STAU2: variants seen among roughly 807,000 people sequenced by gnomAD.
The protein encoded by STAU2 is staufen double-stranded RNA binding protein 2, also known as double-stranded RNA-binding protein Staufen homolog 2.
STAU2 carries 20 observed loss-of-function variants against 65.9 expected under a neutral mutation model. That is an observed-to-expected ratio of 0.30 (90% CI 0.21 to 0.44). The LOEUF (loss-of-function observed/expected upper bound fraction) is 0.44, where lower values mean the gene tolerates loss of function less well. Ranked by LOEUF, STAU2 falls within the 20% of genes least tolerant of loss-of-function variation. The probability of loss-of-function intolerance (pLI) is 1.00; values close to 1 mark genes in which losing one functional copy is unlikely to be tolerated. For synonymous variants in STAU2, 232 were observed against 233.9 expected (o/e 0.99, Z 0.07); for missense variants, 558 against 683.9 (o/e 0.82, Z 2.05).
chr8:73,658,936 A>AC (rs1301053970), intron 6 of STAU2, among the ~76,000 whole-genome samples: 7 of 47,852 alleles, frequency 1.5e-4, no homozygotes, highest in African/African-American at 3.7e-4. Flanking sequence ...AACAACAACA[A>AC]AAACAACAAA....
In STAU2 at chr8:73,673,106, C is replaced by T; in HGVS notation, c.410+1G>A. ...AACAAAACCAAAAAAGACATACAAACCTCTGATTGTACATGCCCCGAAAGT... is the reference window on the plus strand; with the variant it reads ...AACAAAACCAAAAAAGACATACAAATCTCTGATTGTACATGCCCCGAAAGT... On this transcript the variant is annotated splice_donor_variant, in intron 6 of 14. Coordinates refer to ENST00000524300, the MANE Select transcript of STAU2 (RefSeq NM_001164380.2). LOFTEE classifies it high-confidence loss of function. The T allele has an allele frequency of 6.4e-7, 1 of 1,564,126 alleles. No individual in the cohort carries two copies. Among genetic ancestry groups the T allele is most frequent in the East Asian group, 2.3e-5 (1 of 44,132 alleles).
intron 13 of STAU2, chr8:73,551,256 G>C (rs1807315200): frequency 1.4e-5 from 14 of 987,188 alleles, no homozygotes; most frequent in Non-Finnish European, 1.7e-5. Context: ...TTTCCCAGAA[G>C]GAAACAAAGA....
At chr8:73,535,247 G>A (rs1382072824) in intron 13 of STAU2, among the ~76,000 whole-genome samples, 2 of 152,048 alleles carry the variant, frequency 1.3e-5, no homozygotes, top group Non-Finnish European at 2.9e-5. Flanking sequence ...TTGGCTCACT[G>A]CAAGCTCCAC....
chr8:73,520,312 G>C (rs955032536), intron 13 of STAU2, among the ~76,000 whole-genome samples: 2 of 152,158 alleles, frequency 1.3e-5, no homozygotes, highest in African/African-American at 4.8e-5. Context: ...ATACATACCA[G>C]ATTTCAAGTA....
intron 3 of STAU2, among the ~76,000 whole-genome samples, chr8:73,718,902 T>C (rs962034701): frequency 1.3e-5 from 2 of 152,240 alleles, no homozygotes; most frequent in Non-Finnish European, 2.9e-5. Context: ...AACTCTGCTA[T>C]AGTAATTTAT....
chr8:73,663,630 C>CAA (rs57173658), intron 6 of STAU2, among the ~76,000 whole-genome samples: 4 of 140,878 alleles, frequency 2.8e-5, no homozygotes, highest in South Asian at 2.3e-4. Flanking sequence ...TTAATTTTAC[C>CAA]AAAAAAAAAA....
chr8:73,559,257 A>C (rs761902335), intron 12 of STAU2, among the ~76,000 whole-genome samples: 1 of 152,148 alleles, frequency 6.6e-6, no homozygotes, highest in Non-Finnish European at 1.5e-5. Context: ...TTACACTTTT[A>C]AAAGTTTTTT....
chr8:73,551,375 T>C (rs997943000), intron 13 of STAU2: 4 of 986,974 alleles, frequency 4.1e-6, no homozygotes, highest in South Asian at 9.4e-5. Flanking sequence ...GTTGGTACTA[T>C]CTGAGGCAGG....
intron 1 of STAU2, among the ~76,000 whole-genome samples, chr8:73,741,877 G>C (rs978888750): frequency 9.2e-5 from 14 of 152,164 alleles, no homozygotes; most frequent in African/African-American, 3.4e-4. Context: ...AAAACTTTAT[G>C]AACATAAAAT....
At chr8:73,537,399 C>A (rs1441839315) in intron 13 of STAU2, among the ~76,000 whole-genome samples, 2 of 152,024 alleles carry the variant, frequency 1.3e-5, no homozygotes, top group East Asian at 1.9e-4. Context: ...TAAGCCCCAA[C>A]AGGATAAAAA....
chr8:73,725,842 A>T (rs2130728299), intron 3 of STAU2, among the ~76,000 whole-genome samples: 1 of 152,226 alleles, frequency 6.6e-6, no homozygotes, highest in East Asian at 1.9e-4. Flanking sequence ...CTGAGGTGGG[A>T]GGACTGCTTC....
chr8:73,530,042 G>C (rs1316360596), intron 13 of STAU2, among the ~76,000 whole-genome samples: 1 of 152,170 alleles, frequency 6.6e-6, no homozygotes, highest in African/African-American at 2.4e-5. Flanking sequence ...CCAACCTGCT[G>C]TTTGGAGTAT....
chr8:73,420,389 A>T lies in STAU2; in HGVS notation c.*983T>A. The T allele has an allele frequency of 3.0e-6, 1 of 337,800 alleles. No homozygotes were observed. The highest frequency in any genetic ancestry group is 5.9e-6 in the Non-Finnish European group (1 of 168,574). 20.9% of individuals were successfully genotyped at this position (337,800 alleles called of 1,614,324 possible). ...AGCGCTTCACACAGAAACCAACCAC[A>T]TTTTTACTGCATCTGCTCCACGCTG... On this transcript the variant is annotated 3_prime_UTR_variant, in exon 15 of 15. Coordinates refer to ENST00000524300, the MANE Select transcript of STAU2 (RefSeq NM_001164380.2).
chr8:73,747,236 C>T (rs763024693), upstream of STAU2: 4 of 899,990 alleles, frequency 4.4e-6, no homozygotes, highest in South Asian at 1.7e-5. Context: ...GCAGTCTCCT[C>T]GTCCCCGGCG....
At chr8:73,618,440 G>A (rs897813253) in intron 6 of STAU2, among the ~76,000 whole-genome samples, 4 of 152,186 alleles carry the variant, frequency 2.6e-5, no homozygotes, top group African/African-American at 9.6e-5. Flanking sequence ...CAAGGGCAGC[G>A]AGGCGGGAGT....
intron 6 of STAU2, among the ~76,000 whole-genome samples, chr8:73,645,857 A>G (rs920160948): frequency 2.0e-5 from 3 of 152,158 alleles, no homozygotes; most frequent in Non-Finnish European, 2.9e-5. Flanking sequence ...AGATCTCATG[A>G]TAAGTCACTC....
intron 6 of STAU2, among the ~76,000 whole-genome samples, chr8:73,633,866 A>G (rs992215739): frequency 1.3e-5 from 2 of 152,132 alleles, no homozygotes; most frequent in Admixed American, 1.3e-4. Flanking sequence ...CTGTAATCCC[A>G]GCTACTCAGG....
chr8:73,526,105 T>G (rs972008711), intron 13 of STAU2, among the ~76,000 whole-genome samples: 3 of 152,214 alleles, frequency 2.0e-5, no homozygotes, highest in African/African-American at 7.2e-5. Flanking sequence ...ATGCTACAAC[T>G]GTTTATTTTT....
At chr8:73,722,578 CCA>C (rs1200194332) in intron 3 of STAU2, among the ~76,000 whole-genome samples, 1 of 152,124 alleles carries the variant, frequency 6.6e-6, no homozygotes, top group Non-Finnish European at 1.5e-5. Context: ...AGATGCTTCC[CCA>C]GTTTGCTTGC....
Sources: allele counts gnomAD v4.1 joint callset (sites outside exome capture counted in the v4.1 genomes callset), GRCh38; gene constraint gnomAD v4.1.1; transcripts MANE v1.5; gene names NCBI Gene and HGNC (gene_info 2026-07-23, HGNC 2026-07-21).